Variants in UGGT1 observed in about 807,000 individuals in gnomAD.
UGGT1 encodes the protein UDP-glucose glycoprotein glucosyltransferase 1.
UGGT1 carries 107 observed loss-of-function variants against 203.9 expected under a neutral mutation model. The ratio of observed to expected loss-of-function variants is 0.52; its 90% CI spans 0.45 to 0.62. UGGT1 has a LOEUF of 0.62. Among genes scored for constraint, UGGT1 ranks in the 20% least tolerant of loss-of-function variants. The pLI is 0.00. For missense variants in UGGT1, 1,673 were observed against 1,867.2 expected (o/e 0.90, Z 1.92); for synonymous variants, 628 against 653.5 (o/e 0.96, Z 0.59).
At chr2:128,132,687 A>G (rs1269604485) in intron 13 of UGGT1, among the ~76,000 whole-genome samples, 1 of 151,966 alleles carries the variant, frequency 6.6e-6, no homozygotes, top group Non-Finnish European at 1.5e-5. Flanking sequence ...TTAGTCACTC[A>G]TTTTTCCACT....
At position 128,187,459 on chromosome 2, in the gene UGGT1, C is replaced by T. The variant is rs1269875891; in HGVS notation, c.4487C>T (p.Pro1496Leu). The T allele has an allele frequency of 5.0e-6, 8 of 1,613,436 alleles. No individual in the cohort carries two copies. The highest frequency in any genetic ancestry group is 2.2e-5 in the East Asian group (1 of 44,872). The change falls in exon 40 of 41, where the codon CCG (proline) becomes CTG (leucine). Residue 1496 changes from proline (P) to leucine (L), a missense_variant. Pro to Leu is a moderately conservative substitution (Grantham distance 98, BLOSUM62 -3). Coordinates refer to ENST00000259253, the MANE Select transcript of UGGT1 (RefSeq NM_020120.4). ...RAKTIDLCNN[P>L]MTKEPKLEAA... ...CTTTTGGTTTCACAGTGTAATAATC[C>T]GATGACCAAAGAGCCGAAACTGGAA...
At chr2:128,125,433 T>C (rs914590479) in intron 11 of UGGT1, among the ~76,000 whole-genome samples, 1 of 152,174 alleles carries the variant, frequency 6.6e-6, no homozygotes, top group Non-Finnish European at 1.5e-5. Flanking sequence ...TTTGGTGAGT[T>C]CCACAGGGTG....
rs552755781 is a variant in UGGT1 at position 128,145,940 on chromosome 2, C to T, written c.1989C>T (p.Thr663=). Residue 663 remains threonine, a synonymous_variant, in exon 18 of 41, where the codon ACC becomes ACT. Transcript: ENST00000259253. ...TITMHKILET[T]TFFQRAVYLG... ...CAATGCATAAAATCCTGGAGACCAC[C>T]ACCTTCTTCCAAAGAGCGGTGTACT... 20 of 1,614,032 alleles carry T rather than the reference C, an allele frequency of 1.2e-5. No individual in the cohort carries two copies. The South Asian group carries it at 1.4e-4, about 12-fold the overall frequency.
At chr2:128,095,406 CCCCTTT>C (rs997563735) in intron 1 of UGGT1, among the ~76,000 whole-genome samples, 1 of 146,318 alleles carries the variant, frequency 6.8e-6, no homozygotes, top group Non-Finnish European at 1.5e-5. Context: ...CCTTCCCCTT[CCCCTTT>C]ACCTTCCCCT....
rs1031683123 is a variant in UGGT1 at position 128,132,734 on chromosome 2, A to G, written c.1378-407A>G. Among the ~76,000 whole-genome samples the G allele has an allele frequency of 6.6e-5, 10 of 152,064 alleles. No individual in the cohort carries two copies. The East Asian group carries it at 1.9e-3, about 29-fold the overall frequency. On this transcript the variant is annotated intron_variant, in intron 13 of 40. Transcript: ENST00000259253. ...TCTTTTTTGTTTGTTTTTTTGAGAT[A>G]GGGTCTTGCTCTGTTGTTCAGGCTG...
chr2:128,148,465 G>A (rs181470025), intron 18 of UGGT1, among the ~76,000 whole-genome samples: 13 of 152,240 alleles, frequency 8.5e-5, no homozygotes, highest in Admixed American at 2.0e-4. Flanking sequence ...GCTGATGAAC[G>A]AACAGAGATT....
chr2:128,168,375 A>T lies in UGGT1; in HGVS notation c.2922-1913A>T, dbSNP rs146441869. 5.3e-3 allele frequency among the ~76,000 whole-genome samples: 802 copies of T among 152,340 alleles called. 12 individuals are homozygous for T. Among genetic ancestry groups the T allele is most frequent in the African/African-American group, 0.017 (708 of 41,582 alleles). On this transcript the variant is annotated intron_variant, in intron 26 of 40. Transcript: ENST00000259253. ...ATCGAAAGCACCTACCTCAACACAG[A>T]TACAAAGCTATTCTCATGGTTATTT... is the stretch of plus-strand genomic sequence containing the variant.
In UGGT1 at chr2:128,187,068, ATATTCT is replaced by A. The variant is rs57501501; in HGVS notation, c.4476+273_4476+278del. On this transcript the variant is annotated intron_variant, in intron 39 of 40. Coordinates refer to ENST00000259253, the MANE Select transcript of UGGT1 (RefSeq NM_020120.4). ...CTATTCTTATAGAATATTCTTATAA[ATATTCT>A]TATCTTATAGAATATTTCACTGGTT... is the stretch of plus-strand genomic sequence containing the variant. Among the ~76,000 whole-genome samples the A allele has an allele frequency of 4.1e-3, 623 of 152,270 alleles. 6 individuals carry two copies. Among genetic ancestry groups the A allele is most frequent in the African/African-American group, 0.013 (546 of 41,540 alleles).
chr2:128,097,281 C>T, intron 1 of UGGT1, 148 bp from the exon 2 acceptor site: 4 of 835,094 alleles, frequency 4.8e-6, no homozygotes, highest in East Asian at 2.9e-5. Flanking sequence ...GAGGCTGAGG[C>T]AGGAGAATCG....
At chr2:128,114,252 G>A (rs1687995967) in intron 6 of UGGT1, among the ~76,000 whole-genome samples, 2 of 151,968 alleles carry the variant, frequency 1.3e-5, no homozygotes, top group Non-Finnish European at 2.9e-5. Context: ...CGAGTAGCTG[G>A]GATTACAGGC....
intron 7 of UGGT1, among the ~76,000 whole-genome samples, chr2:128,115,461 A>C (rs1363599935): frequency 7.0e-6 from 1 of 142,460 alleles, no homozygotes. Context: ...AAGGTGTGTA[A>C]GGAAAGAATT....
chr2:128,097,438 A>G lies in UGGT1; in HGVS notation c.68A>G (p.Tyr23Cys). The G allele has an allele frequency of 1.2e-6, 2 of 1,604,602 alleles. No individual in the cohort carries two copies. The highest frequency in any genetic ancestry group is 1.1e-5 in the South Asian group (1 of 89,116). ...CTTTTTTTCCTTTTAGGAGTTTGCT[A>G]TAAAATGGGAGTTCTGGTTGTACTC... ...AGALPVTGVC[Y>C]KMGVLVVLTV... Residue 23 changes from tyrosine (Y) to cysteine (C), a missense_variant, in exon 2 of 41, where the codon TAT becomes TGT. Coordinates refer to ENST00000259253, the MANE Select transcript of UGGT1 (RefSeq NM_020120.4).
intron 3 of UGGT1, among the ~76,000 whole-genome samples, chr2:128,104,787 C>T (rs1687526741): frequency 6.6e-6 from 1 of 152,136 alleles, no homozygotes; most frequent in Admixed American, 6.5e-5. Flanking sequence ...GCTGGGATTA[C>T]AGGCATTCGC....
At chr2:128,182,371 A>G in intron 37 of UGGT1, 81 bp downstream of exon 37, 5 of 1,469,408 alleles carry the variant, frequency 3.4e-6, no homozygotes, top group Middle Eastern at 3.6e-4. Flanking sequence ...GTGAATAGGT[A>G]ATACATTGGT....
chr2:128,173,630 C>A, intron 29 of UGGT1, 151 bp from the exon 30 acceptor site: 1 of 978,716 alleles, frequency 1.0e-6, no homozygotes, highest in Non-Finnish European at 1.5e-6. Context: ...TGCTTTCTGT[C>A]ATTATACTTT....
chr2:128,109,130 G>C (rs1267367987), intron 4 of UGGT1, among the ~76,000 whole-genome samples: 2 of 152,126 alleles, frequency 1.3e-5, no homozygotes, highest in African/African-American at 4.8e-5. Context: ...GACCACAGGA[G>C]ATCTGCCTGC....
At chr2:128,116,384 C>G in intron 8 of UGGT1, 41 bp downstream of exon 8, 1 of 1,286,906 alleles carries the variant, frequency 7.8e-7, no homozygotes, top group Non-Finnish European at 1.1e-6. Flanking sequence ...CCCTCATTTT[C>G]TTTAAGCCTC....
intron 28 of UGGT1, 57 bp downstream of exon 28, chr2:128,171,341 A>G (rs1691092658): frequency 6.8e-7 from 1 of 1,468,660 alleles, no homozygotes; most frequent in East Asian, 2.3e-5. Context: ...CCAAGTTCTG[A>G]TATTGCATGT....
chr2:128,184,950 G>A (rs187563319), intron 38 of UGGT1, among the ~76,000 whole-genome samples: 32 of 152,168 alleles, frequency 2.1e-4, no homozygotes, highest in African/African-American at 7.5e-4. Flanking sequence ...CCAAAGTGCC[G>A]GGATTACAAT....
Sources: allele counts gnomAD v4.1 joint callset (sites outside exome capture counted in the v4.1 genomes callset), GRCh38; gene constraint gnomAD v4.1.1; transcripts MANE v1.5; gene names NCBI Gene and HGNC (gene_info 2026-07-23, HGNC 2026-07-21).